The following FAM13B variants were observed in gnomAD, a reference collection of about 807,000 sequenced individuals.
FAM13B encodes the protein protein FAM13B.
A neutral mutation model predicts 117.3 loss-of-function variants in FAM13B; 60 were observed. That is an observed-to-expected ratio of 0.51 (90% CI 0.42 to 0.63). The LOEUF (loss-of-function observed/expected upper bound fraction) is 0.63, where lower values mean the gene tolerates loss of function less well. FAM13B is among the 30% of genes least tolerant of loss of function. FAM13B has a pLI of 0.00. For missense variants in FAM13B, 972 were observed against 1,091.9 expected (o/e 0.89, Z 1.55); for synonymous variants, 332 against 356.1 (o/e 0.93, Z 0.76).
chr5:138,034,390 G>A (rs546523155), upstream of FAM13B, among the ~76,000 whole-genome samples: 7 of 152,256 alleles, frequency 4.6e-5, no homozygotes, highest in African/African-American at 4.8e-5. Flanking sequence ...CTGGATCTCC[G>A]TTAAGAGCAT....
At chr5:137,997,748 C>G (rs1337362825) in intron 7 of FAM13B, among the ~76,000 whole-genome samples, 1 of 152,122 alleles carries the variant, frequency 6.6e-6, no homozygotes, top group African/African-American at 2.4e-5. Flanking sequence ...ATACAACTCA[C>G]AAGCAAACAT....
intron 10 of FAM13B, among the ~76,000 whole-genome samples, chr5:137,982,697 G>C (rs945197200): frequency 2.0e-5 from 3 of 152,210 alleles, no homozygotes; most frequent in African/African-American, 7.2e-5. Context: ...TTATTCATCC[G>C]CACCACTGTC....
chr5:138,025,440 T>A (rs1414538772), intron 1 of FAM13B, among the ~76,000 whole-genome samples: 1 of 150,146 alleles, frequency 6.7e-6, no homozygotes, highest in African/African-American at 2.5e-5. Context: ...CCTAAATCAC[T>A]GGGATTACAG....
intron 20 of FAM13B, among the ~76,000 whole-genome samples, chr5:137,944,958 A>C (rs1763042057): frequency 7.1e-6 from 1 of 141,510 alleles, no homozygotes. Context: ...TAGAGGGGGA[A>C]GGGAGGGAGG....
intron 16 of FAM13B, 70 bp from the exon 17 acceptor site, chr5:137,952,779 AGT>A: frequency 1.1e-6 from 1 of 904,322 alleles, no homozygotes; most frequent in Non-Finnish European, 1.7e-6. Flanking sequence ...ATGTCCAAAT[AGT>A]ATTTTACAAT....
rs1777580378 is a variant in FAM13B at position 137,987,686 on chromosome 5, C to T, written c.891-70G>A. 15 of 1,456,966 alleles carry T rather than the reference C, an allele frequency of 1.0e-5. 1 individual carries two copies. In the South Asian group the frequency reaches 1.9e-4, roughly 18 times the overall value. The allele number at this position is 1,456,966 out of a possible 1,614,324, so 90.3% of individuals were successfully genotyped here. On this transcript the variant is annotated intron_variant, in intron 8 of 23. Transcript: ENST00000689681. ...ATATCTGGTGACACAGACATAAATGCTAAAACCTATGACCAGTAAAACTAT... is the reference window on the plus strand; with the variant it reads ...ATATCTGGTGACACAGACATAAATGTTAAAACCTATGACCAGTAAAACTAT...
intron 7 of FAM13B, among the ~76,000 whole-genome samples, chr5:137,988,705 T>C (rs1256095154): frequency 6.6e-6 from 1 of 152,238 alleles, no homozygotes; most frequent in Non-Finnish European, 1.5e-5. Flanking sequence ...CATATGGCCA[T>C]GGGTTGGGTA....
intron 4 of FAM13B, among the ~76,000 whole-genome samples, chr5:138,017,098 C>T (rs548813449): frequency 3.3e-5 from 5 of 152,228 alleles, no homozygotes; most frequent in Admixed American, 6.5e-5. Context: ...AATAACATTT[C>T]GTTTTAAAAC....
At chr5:138,030,697 A>C (rs1480693669) in intron 1 of FAM13B, among the ~76,000 whole-genome samples, 1 of 149,286 alleles carries the variant, frequency 6.7e-6, no homozygotes, top group African/African-American at 2.5e-5. Flanking sequence ...CTGGGCAACA[A>C]GAATGAAACT....
intron 7 of FAM13B, among the ~76,000 whole-genome samples, chr5:138,002,436 C>T (rs571058608): frequency 6.6e-6 from 1 of 151,956 alleles, no homozygotes; most frequent in Admixed American, 6.6e-5. Flanking sequence ...GAGACTGAGG[C>T]AGTAGAATTG....
intron 10 of FAM13B, among the ~76,000 whole-genome samples, chr5:137,979,490 C>A (rs955836378): frequency 6.6e-6 from 1 of 152,296 alleles, no homozygotes; most frequent in African/African-American, 2.4e-5. Context: ...TTTTCTTCTA[C>A]TGAGAAAATC....
At chr5:137,947,885 AAAAG>A (rs1763877566) in intron 18 of FAM13B, among the ~76,000 whole-genome samples, 1 of 152,136 alleles carries the variant, frequency 6.6e-6, no homozygotes, top group Admixed American at 6.6e-5. Context: ...GCGCCTGGCC[AAAAG>A]AAATTTTTTT....
chr5:138,013,300 G>T (rs1035030231), intron 4 of FAM13B, among the ~76,000 whole-genome samples: 1 of 152,016 alleles, frequency 6.6e-6, no homozygotes, highest in African/African-American at 2.4e-5. Flanking sequence ...AGGAGATCGA[G>T]ACCATCCTGG....
chr5:137,995,490 T>C (rs1779640174), intron 7 of FAM13B, among the ~76,000 whole-genome samples: 1 of 152,248 alleles, frequency 6.6e-6, no homozygotes, highest in Admixed American at 6.5e-5. Context: ...AAAGCATTTA[T>C]GGTTAACGTT....
At chr5:137,989,665 A>G (rs997142420) in intron 7 of FAM13B, among the ~76,000 whole-genome samples, 2 of 152,126 alleles carry the variant, frequency 1.3e-5, no homozygotes, top group Non-Finnish European at 2.9e-5. Flanking sequence ...TCTCTACAAA[A>G]AAAATAAAAA....
chr5:137,960,584 T>A (rs1767870227), intron 11 of FAM13B, among the ~76,000 whole-genome samples: 1 of 152,140 alleles, frequency 6.6e-6, no homozygotes, highest in Admixed American at 6.6e-5. Context: ...AATAAACAGC[T>A]CTATTCTCTC....
intron 10 of FAM13B, among the ~76,000 whole-genome samples, chr5:137,968,828 T>A (rs538387402): frequency 5.3e-4 from 81 of 152,318 alleles, no homozygotes; most frequent in Admixed American, 2.2e-3. Context: ...TTCCCTTTCC[T>A]AGTCAAAGAA....
At position 137,959,560 on chromosome 5, in the gene FAM13B, G is replaced by C. The variant is rs972060504; in HGVS notation, c.1441+56C>G. ...GGCTGTAGTCTTATCATTGCTTAGG[G>C]TAATTTCGGTTACAAGTAACATTAT... On this transcript the variant is annotated intron_variant, in intron 13 of 23. Transcript: ENST00000689681. The C allele has an allele frequency of 1.9e-6, 3 of 1,577,894 alleles. No individual in the cohort carries two copies. In the African/African-American group the frequency reaches 4.0e-5, roughly 21 times the overall value.
upstream of FAM13B, among the ~76,000 whole-genome samples, chr5:138,035,690 T>G (rs1791088545): frequency 6.6e-6 from 1 of 152,176 alleles, no homozygotes; most frequent in Non-Finnish European, 1.5e-5. Context: ...CTGGGAACAG[T>G]TGTCTCATTG....
Sources: gnomAD v4.1 joint callset for allele counts (sites outside exome capture counted in the v4.1 genomes callset) on GRCh38, gnomAD v4.1.1 for gene constraint, MANE v1.5 for transcripts, NCBI Gene and HGNC (gene_info 2026-07-23, HGNC 2026-07-21) for gene names.